Variants in CC2D2B observed in about 807,000 individuals in gnomAD.
The protein encoded by CC2D2B is protein CC2D2B.
A neutral mutation model predicts 161.2 loss-of-function variants in CC2D2B; 128 were observed. The observed-to-expected ratio is 0.79, with a 90% CI of 0.69 to 0.92. The LOEUF is 0.92. Among genes scored for constraint, CC2D2B ranks in the 40% least tolerant of loss-of-function variants. The pLI is 0.00. For missense variants in CC2D2B, 1,173 were observed against 1,375.1 expected, an observed-to-expected ratio of 0.85 and a Z score of 2.32; for synonymous variants, 391 against 449.8, an observed-to-expected ratio of 0.87 and a Z score of 1.65.
chr10:95,988,688 A>G (rs1204152311), intron 20 of CC2D2B, among the ~76,000 whole-genome samples: 1 of 152,246 alleles, frequency 6.6e-6, no homozygotes, highest in Non-Finnish European at 1.5e-5. Flanking sequence ...GTCAAGGACT[A>G]TAGCAATTCA....
intron 33 of CC2D2B, among the ~76,000 whole-genome samples, 195 bp from the exon 34 acceptor site, chr10:96,027,017 G>A (rs2079811977): frequency 6.6e-6 from 1 of 152,140 alleles, no homozygotes; most frequent in South Asian, 2.1e-4. Context: ...CAGCTAATCG[G>A]GAGGCTGAGG....
At chr10:95,999,878 G>C (rs2078397080) in intron 24 of CC2D2B, 3 of 480,838 alleles carry the variant, frequency 6.2e-6, no homozygotes, top group Non-Finnish European at 8.1e-6. Context: ...CACTTCAGTT[G>C]AACCCAGGTA....
chr10:95,910,052 AG>A (rs1335799897), intron 1 of CC2D2B, among the ~76,000 whole-genome samples: 1 of 152,114 alleles, frequency 6.6e-6, no homozygotes, highest in Non-Finnish European at 1.5e-5. Flanking sequence ...GCTACTCAAG[AG>A]GTGGAAGCAG....
intron 9 of CC2D2B, among the ~76,000 whole-genome samples, chr10:95,941,726 C>T (rs2076029018): frequency 6.6e-6 from 1 of 152,032 alleles, no homozygotes; most frequent in African/African-American, 2.4e-5. Context: ...GAAATTAGAA[C>T]CCTTGTACAC....
At chr10:95,912,621 C>T (rs996183388) in intron 2 of CC2D2B, among the ~76,000 whole-genome samples, 5 of 152,096 alleles carry the variant, frequency 3.3e-5, no homozygotes, top group African/African-American at 4.8e-5. Flanking sequence ...CGTTGCCACA[C>T]GCTGCAGGGT....
rs2079883800 is a variant in CC2D2B, at chr10:96,028,545, C to T, written c.4125+1156C>T. Among the ~76,000 whole-genome samples the T allele has an allele frequency of 3.9e-5, 6 of 152,132 alleles. No individual in the cohort carries two copies. The South Asian group carries it at 1.2e-3, about 32-fold the overall frequency. On this transcript the variant is annotated intron_variant, in intron 34 of 34. Transcript: ENST00000646931. ...TTAGTGGGAATGTAAATTAGTACAA[C>T]CACTATCGAGAATAGTTTAGAGGTT...
At chr10:96,007,997 C>T (rs996529785) in intron 25 of CC2D2B, among the ~76,000 whole-genome samples, 2 of 151,934 alleles carry the variant, frequency 1.3e-5, no homozygotes, top group African/African-American at 4.8e-5. Flanking sequence ...ATGTATATAC[C>T]AATGAAACTG....
At chr10:95,988,053 A>G (rs2077800919) in intron 19 of CC2D2B, among the ~76,000 whole-genome samples, 197 bp from the exon 20 acceptor site, 1 of 152,246 alleles carries the variant, frequency 6.6e-6, no homozygotes, top group Non-Finnish European at 1.5e-5. Flanking sequence ...ATCTAGACCC[A>G]AACAGAATAT....
rs1447028460 is a variant in CC2D2B, at chr10:96,027,253, C to G, written c.3989C>G (p.Pro1330Arg). 1.9e-6 allele frequency: 3 copies of G among 1,548,642 alleles called. No individual in the cohort carries two copies. The highest frequency in any genetic ancestry group is 2.7e-5 in the African/African-American group (2 of 72,924). The change falls in exon 34 of 35, where the codon CCT becomes CGT. Residue 1330 changes from proline to arginine, a missense_variant. By Grantham distance (103) the Pro-to-Arg change is moderately radical. Coordinates refer to ENST00000646931, the MANE Select transcript of CC2D2B (RefSeq NM_001349008.3). Reference protein sequence around the residue: ...TLKSKVMEWRPKHPTHWNRQC... With the variant: ...TLKSKVMEWRRKHPTHWNRQC... ...AAGAGTAAAGTGATGGAATGGCGAC[C>G]TAAACACCCAACACATTGGAATCGA...
chr10:96,024,295 A>T (rs1268332784), intron 32 of CC2D2B, among the ~76,000 whole-genome samples: 1 of 152,226 alleles, frequency 6.6e-6, no homozygotes, highest in Non-Finnish European at 1.5e-5. Flanking sequence ...GTGCATACAT[A>T]CACAAAGAAC....
intron 20 of CC2D2B, among the ~76,000 whole-genome samples, 179 bp downstream of exon 20, chr10:95,988,521 C>G (rs2077821108): frequency 6.6e-6 from 1 of 152,168 alleles, no homozygotes; most frequent in Non-Finnish European, 1.5e-5. Context: ...AGTTAGGTTA[C>G]TTCATTGACA....
At chr10:95,983,988 G>C (rs971731282) in intron 19 of CC2D2B, among the ~76,000 whole-genome samples, 179 bp downstream of exon 19, 1 of 151,918 alleles carries the variant, frequency 6.6e-6, no homozygotes, top group Non-Finnish European at 1.5e-5. Flanking sequence ...TCTTCAGCTT[G>C]ACTTTACGAT....
intron 12 of CC2D2B, among the ~76,000 whole-genome samples, chr10:95,963,520 T>G (rs1251020830): frequency 6.6e-6 from 1 of 152,076 alleles, no homozygotes; most frequent in African/African-American, 2.4e-5. Flanking sequence ...ACACAGTAAA[T>G]AAGCATAATT....
intron 9 of CC2D2B, among the ~76,000 whole-genome samples, chr10:95,944,347 C>A (rs1300836081): frequency 1.3e-5 from 2 of 152,146 alleles, no homozygotes; most frequent in Non-Finnish European, 2.9e-5. Context: ...ATTACAATAT[C>A]TTCATGTATT....
At position 95,996,246 on chromosome 10, in the gene CC2D2B, A is replaced by G. The variant is rs1402845146; in HGVS notation, c.2843A>G (p.Asp948Gly). Residue 948 changes from aspartate (D) to glycine (G), a missense_variant, in exon 24 of 35, where the codon GAT becomes GGT. Physicochemically the swap from Asp to Gly is moderately conservative, Grantham distance 94. Transcript: ENST00000646931. Reference sequence around the variant, plus strand: ...TGCTGGAATGAAGAAATTAAAGTAGATTTTGTGTAAGTTGGAGTTCATTTT... The same window carrying G: ...TGCTGGAATGAAGAAATTAAAGTAGGTTTTGTGTAAGTTGGAGTTCATTTT... ...HPCWNEEIKVDFVSPGHDYSF... is the reference protein window; with the variant it reads ...HPCWNEEIKVGFVSPGHDYSF... The G allele has an allele frequency of 4.2e-6, 6 of 1,420,412 alleles. No individual in the cohort carries two copies. The highest frequency in any genetic ancestry group is 2.2e-5 in the Admixed American group (1 of 45,932). The allele number at this position is 1,420,412 out of a possible 1,614,324, so 88.0% of individuals were successfully genotyped here.
chr10:96,013,906 T>C (rs1332183173), intron 29 of CC2D2B, 29 bp downstream of exon 29: 7 of 1,078,560 alleles, frequency 6.5e-6, no homozygotes, highest in Non-Finnish European at 9.0e-6. Context: ...TATATATAAT[T>C]GAAATATATA....
At chr10:95,937,896 C>G (rs2075883361) in intron 6 of CC2D2B, 95 bp from the exon 7 acceptor site, 3 of 720,942 alleles carry the variant, frequency 4.2e-6, no homozygotes, top group Non-Finnish European at 7.0e-6. Flanking sequence ...ATCAGACGCA[C>G]AGTTCACAGT....
At chr10:95,980,788 G>A (rs891292229) in intron 17 of CC2D2B, among the ~76,000 whole-genome samples, 1 of 152,144 alleles carries the variant, frequency 6.6e-6, no homozygotes, top group African/African-American at 2.4e-5. Flanking sequence ...ATGTGTGCTC[G>A]TGTTTGGGCT....
intron 30 of CC2D2B, 127 bp downstream of exon 30, chr10:96,016,441 C>A: frequency 1.5e-6 from 1 of 664,008 alleles, no homozygotes; most frequent in Non-Finnish European, 2.7e-6. Flanking sequence ...CATGGGCAAG[C>A]AATGATTAGT....
Sources: gnomAD v4.1 joint callset for allele counts (sites outside exome capture counted in the v4.1 genomes callset) on GRCh38, gnomAD v4.1.1 for gene constraint, MANE v1.5 for transcripts, NCBI Gene and HGNC (gene_info 2026-07-23, HGNC 2026-07-21) for gene names.